The following CFAP74 variants were observed in gnomAD, a reference collection of about 807,000 sequenced individuals.
CFAP74 encodes the protein cilia- and flagella-associated protein 74.
In CFAP74, 124 loss-of-function variants were observed where a neutral mutation model predicts 188.9. The observed-to-expected ratio is 0.66, with a 90% CI of 0.57 to 0.76. The LOEUF is 0.76. CFAP74 is among the 30% of genes least tolerant of loss of function. The pLI is 0.00. For missense variants in CFAP74, 2,198 were observed against 2,165.2 expected (o/e 1.02, Z -0.30); for synonymous variants, 956 against 916.7 (o/e 1.04, Z -0.77).
chr1:1,961,678 C>T (rs996752091), intron 14 of CFAP74, among the ~76,000 whole-genome samples: 2 of 152,122 alleles, frequency 1.3e-5, no homozygotes, highest in African/African-American at 2.4e-5. Flanking sequence ...GGACACAGAA[C>T]CCTCCAGACT....
chr1:1,962,827 T>C (rs1410066830), intron 14 of CFAP74, among the ~76,000 whole-genome samples: 1 of 152,188 alleles, frequency 6.6e-6, no homozygotes, highest in Non-Finnish European at 1.5e-5. Context: ...AAATTGAGGC[T>C]GCAGTGAACT....
At chr1:2,000,160 T>A (rs1296582396) in intron 1 of CFAP74, among the ~76,000 whole-genome samples, 1 of 151,782 alleles carries the variant, frequency 6.6e-6, no homozygotes. Flanking sequence ...CGAGACTCCA[T>A]CTCAAAAAAA....
rs112600777 is a variant in CFAP74 at position 1,966,114 on chromosome 1, C to T, written c.1401+257G>A. On this transcript the variant is annotated intron_variant, in intron 12 of 38. Transcript: ENST00000682832. ...TCCCTCCCCGTTACACCATGGTGAC[C>T]GAGCTGTCTGTCAGGGGGAGCTTGG... Among the ~76,000 whole-genome samples, 168 of 152,368 alleles carry T rather than the reference C, an allele frequency of 1.1e-3. 1 individual carries two copies. Among genetic ancestry groups the T allele is most frequent in the African/African-American group, 3.7e-3 (152 of 41,592 alleles).
At chr1:1,955,280 G>GAGGGC in intron 18 of CFAP74, 1 of 1,295,112 alleles carries the variant, frequency 7.7e-7, no homozygotes, top group Non-Finnish European at 1.0e-6. Flanking sequence ...GAGGCATGGG[G>GAGGGC]AGGGCAGGGC....
chr1:1,929,149 G>A (rs1485004077), intron 26 of CFAP74, among the ~76,000 whole-genome samples: 1 of 151,158 alleles, frequency 6.6e-6, no homozygotes, highest in African/African-American at 2.4e-5. Context: ...GTCCTGGACA[G>A]GCCGGGACTG....
chr1:1,982,796 A>G (rs1656991692), intron 6 of CFAP74, among the ~76,000 whole-genome samples: 3 of 152,216 alleles, frequency 2.0e-5, no homozygotes, highest in African/African-American at 7.2e-5. Flanking sequence ...CAGGGTTCAC[A>G]CCATCAGAGA....
intron 6 of CFAP74, among the ~76,000 whole-genome samples, chr1:1,977,555 AGAG>A (rs906079874): frequency 7.2e-5 from 11 of 152,136 alleles, no homozygotes; most frequent in Non-Finnish European, 1.5e-4. Context: ...GAAGGATCCC[AGAG>A]GAGAAGAATG....
Position 1,989,708 on chromosome 1 carries a change from G to A in CFAP74, c.68-735C>T, listed in dbSNP as rs139459977. Among the ~76,000 whole-genome samples, 474 of 152,300 alleles carry A rather than the reference G, an allele frequency of 3.1e-3. 2 individuals are homozygous for A. Among genetic ancestry groups the A allele is most frequent in the African/African-American group, 0.011 (447 of 41,560 alleles). ...ACTCCTGACCTCAAGTGAGCCACCC[G>A]TCTCGGCCTCCCCAAGTGCTGGGAT... On this transcript the variant is annotated intron_variant, in intron 2 of 38. Transcript: ENST00000682832.
At chr1:1,977,622 C>A (rs1656534161) in intron 6 of CFAP74, among the ~76,000 whole-genome samples, 1 of 152,198 alleles carries the variant, frequency 6.6e-6, no homozygotes, top group African/African-American at 2.4e-5. Flanking sequence ...TGAATTCCAA[C>A]CCTGCCAGAC....
rs1399433171 is a variant in CFAP74 at position 1,926,932 on chromosome 1, G to A, written c.3624C>T (p.Asp1208=). The A allele has an allele frequency of 6.5e-7, 1 of 1,550,112 alleles. No individual in the cohort carries two copies. Among genetic ancestry groups the A allele is most frequent in the African/African-American group, 1.4e-5 (1 of 73,036 alleles). Residue 1208 remains aspartate, a synonymous_variant, in exon 29 of 39, where the codon GAC becomes GAT. Coordinates refer to ENST00000682832, the MANE Select transcript of CFAP74 (RefSeq NM_001304360.2). The part of the protein sequence containing the change: ...FVVPCVVASG[D]IKDRKGSEPL... ...GTTCTGACCCCTTCCTGTCTTTGAT[G>A]TCGCCACTGGCAACAACACAGGGAA...
At chr1:1,924,607 C>G in intron 33 of CFAP74, 87 bp from the exon 34 acceptor site, 1 of 1,464,216 alleles carries the variant, frequency 6.8e-7, no homozygotes, top group Non-Finnish European at 9.2e-7. Flanking sequence ...TTGGCTGGTG[C>G]TATGAGGCCA....
intron 6 of CFAP74, among the ~76,000 whole-genome samples, chr1:1,978,342 C>T (rs1370039385): frequency 6.6e-6 from 1 of 151,878 alleles, no homozygotes; most frequent in Admixed American, 6.6e-5. Context: ...GGTGGTGGAG[C>T]CCTGGGGTGC....
At chr1:1,995,082 A>C (rs1657844666) in intron 1 of CFAP74, among the ~76,000 whole-genome samples, 1 of 152,230 alleles carries the variant, frequency 6.6e-6, no homozygotes, top group Non-Finnish European at 1.5e-5. Flanking sequence ...TGAGAGACCC[A>C]GGAAAGCGTG....
chr1:1,950,424 C>T (rs1654135740), intron 18 of CFAP74, among the ~76,000 whole-genome samples: 1 of 151,470 alleles, frequency 6.6e-6, no homozygotes, highest in South Asian at 2.1e-4. Context: ...ACTGCAAACT[C>T]CGCCTCCCAG....
chr1:1,973,715 GGCT>G lies in CFAP74; in HGVS notation c.674+307_674+309del, dbSNP rs1255304964. ...AATGGCCTGGCTGGGAAGAGGAAGGGGCTGCCGGAGGGAAAGGGGAGGGGCAGT... is the reference window on the plus strand; with the variant it reads ...AATGGCCTGGCTGGGAAGAGGAAGGGGCCGGAGGGAAAGGGGAGGGGCAGT... On this transcript the variant is annotated intron_variant, in intron 7 of 38. Coordinates refer to ENST00000682832, the MANE Select transcript of CFAP74 (RefSeq NM_001304360.2). The surrounding 1 kb of genome is among the most constrained non-coding windows in gnomAD (Gnocchi z 6.2). Among the ~76,000 whole-genome samples, 1 of 152,112 alleles carries G rather than the reference GGCT, an allele frequency of 6.6e-6. No individual in the cohort carries two copies. Among genetic ancestry groups the G allele is most frequent in the Non-Finnish European group, 1.5e-5 (1 of 68,004 alleles).
chr1:1,974,042 G>A lies in CFAP74; in HGVS notation c.657C>T (p.Asn219=), dbSNP rs768714066. 1 of 1,587,136 alleles carries A rather than the reference G, an allele frequency of 6.3e-7. No individual in the cohort carries two copies. The highest frequency in any genetic ancestry group is 1.1e-5 in the South Asian group (1 of 89,000). ...TCGCCTACCTGATCCTCAGCAGTCG[G>A]TTCCGCTCCACCTTCCCCAGGGCCT... The part of the protein sequence containing the change: ...EQEALGKVER[N]RLLRIRKSLN... Residue 219 remains asparagine, a synonymous_variant, in exon 7 of 39, where the codon AAC becomes AAT. Coordinates refer to ENST00000682832, the MANE Select transcript of CFAP74 (RefSeq NM_001304360.2).
At chr1:1,945,904 G>T (rs1340365644) in intron 20 of CFAP74, among the ~76,000 whole-genome samples, 1 of 148,976 alleles carries the variant, frequency 6.7e-6, no homozygotes, top group Non-Finnish European at 1.5e-5. Flanking sequence ...GTGCATGTGT[G>T]TGCATGTGTG....
chr1:1,926,096 G>A (rs1365413654), intron 32 of CFAP74, 132 bp downstream of exon 32: 6 of 1,411,450 alleles, frequency 4.3e-6, no homozygotes, highest in Admixed American at 2.8e-5. Flanking sequence ...AGGGCCTGGG[G>A]GCCAGGCTGC....
intron 15 of CFAP74, 27 bp downstream of exon 15, chr1:1,959,937 G>A (rs372045867): frequency 1.6e-5 from 25 of 1,559,376 alleles, no homozygotes; most frequent in Middle Eastern, 1.7e-4. Context: ...CCTCCCCTTC[G>A]AGAGAGAACG....
Sources: allele counts gnomAD v4.1 joint callset (sites outside exome capture counted in the v4.1 genomes callset), GRCh38; gene constraint gnomAD v4.1.1; non-coding constraint Gnocchi (gnomAD v3.1); transcripts MANE v1.5; gene names NCBI Gene and HGNC (gene_info 2026-07-23, HGNC 2026-07-21).